The following STXBP5L variants were observed in gnomAD, a reference collection of about 807,000 sequenced individuals.
STXBP5L encodes syntaxin-binding protein 5-like.
STXBP5L carries 65 observed loss-of-function variants against 144.5 expected under a neutral mutation model. That is an observed-to-expected ratio of 0.45 (90% CI 0.37 to 0.55). The LOEUF (loss-of-function observed/expected upper bound fraction) is 0.55. Among genes scored for constraint, STXBP5L ranks in the 20% least tolerant of loss-of-function variants. The pLI is 0.00. For missense variants in STXBP5L, 1,298 were observed against 1,405.5 expected (o/e 0.92, Z 1.22); for synonymous variants, 505 against 469.6 (o/e 1.08, Z -0.97).
rs1000270687 is a variant in STXBP5L at position 121,280,137 on chromosome 3, G to C, written c.2110+181G>C. ...AAACATTGTGAGAATCTTTGAAAGG[G>C]TCAGGGGTGTGTATGTTTAAACTTC... is the stretch of plus-strand genomic sequence containing the variant. On this transcript the variant is annotated intron_variant, in intron 19 of 26. Transcript: ENST00000471454. Among the ~76,000 whole-genome samples the C allele has an allele frequency of 4.6e-5, 7 of 151,708 alleles. No individual in the cohort carries two copies. In the East Asian group the frequency reaches 9.6e-4, roughly 21 times the overall value.
At chr3:121,114,838 C>T in intron 5 of STXBP5L, 87 bp from the exon 6 acceptor site, 1 of 794,064 alleles carries the variant, frequency 1.3e-6, no homozygotes, top group Non-Finnish European at 1.9e-6. Context: ...ATTTATATAG[C>T]TATCACTACA....
At chr3:121,069,958 C>A (rs184976708) in intron 5 of STXBP5L, among the ~76,000 whole-genome samples, 10 of 152,280 alleles carry the variant, frequency 6.6e-5, no homozygotes, top group African/African-American at 2.2e-4. Context: ...CTCTTAGCAG[C>A]ACTTTTGCTG....
chr3:121,045,381 A>G, intron 4 of STXBP5L, 54 bp from the exon 5 acceptor site: 6 of 1,514,210 alleles, frequency 4.0e-6, no homozygotes, highest in Middle Eastern at 1.8e-4. Context: ...TTGTGATTAA[A>G]AAAACCCTAA....
rs561304123 is a variant in STXBP5L, at chr3:120,916,956, A to G, written c.189+7189A>G. Among the ~76,000 whole-genome samples, 3 of 152,332 alleles carry G rather than the reference A, an allele frequency of 2.0e-5. No homozygotes were observed. In the East Asian group the frequency reaches 5.8e-4, roughly 29 times the overall value. On this transcript the variant is annotated intron_variant, in intron 2 of 26. Coordinates refer to ENST00000471454, the MANE Select transcript of STXBP5L (RefSeq NM_001308330.2). ...TTGAAAATTATTAGTAGTATAATAA[A>G]TTTTGAAGTTAGATTGAGTCTGGGG...
At chr3:121,405,770 C>T (rs1159931018) in intron 22 of STXBP5L, among the ~76,000 whole-genome samples, 1 of 151,850 alleles carries the variant, frequency 6.6e-6, no homozygotes, top group Non-Finnish European at 1.5e-5. Flanking sequence ...AAACTTAAAC[C>T]CTGTATAAAC....
intron 20 of STXBP5L, among the ~76,000 whole-genome samples, chr3:121,353,266 C>A (rs2045371996): frequency 6.6e-6 from 1 of 152,126 alleles, no homozygotes; most frequent in South Asian, 2.1e-4. Context: ...GGTAACAGCT[C>A]CTGTTTGTAC....
intron 19 of STXBP5L, among the ~76,000 whole-genome samples, chr3:121,297,158 C>A (rs1485334092): frequency 1.3e-5 from 2 of 151,718 alleles, no homozygotes; most frequent in Non-Finnish European, 2.9e-5. Flanking sequence ...TACAGCCCAG[C>A]CCCAGCTTAA....
intron 3 of STXBP5L, among the ~76,000 whole-genome samples, chr3:121,037,686 A>T (rs942070084): frequency 2.0e-5 from 3 of 152,112 alleles, no homozygotes; most frequent in African/African-American, 7.2e-5. Flanking sequence ...AATGAGTCAG[A>T]AAATCTTTCT....
At chr3:121,369,503 T>C (rs1299239611) in intron 20 of STXBP5L, among the ~76,000 whole-genome samples, 1 of 152,130 alleles carries the variant, frequency 6.6e-6, no homozygotes, top group African/African-American at 2.4e-5. Context: ...TTCTTAAAGG[T>C]CTCTTTCTTT....
intron 9 of STXBP5L, among the ~76,000 whole-genome samples, chr3:121,159,356 A>G (rs2108011193): frequency 6.6e-6 from 1 of 152,138 alleles, no homozygotes; most frequent in South Asian, 2.1e-4. Flanking sequence ...TTAATAAAAG[A>G]TGGGTCTTAC....
chr3:120,958,504 C>A (rs1048330792), intron 3 of STXBP5L, among the ~76,000 whole-genome samples: 8 of 101,502 alleles, frequency 7.9e-5, no homozygotes, highest in African/African-American at 3.1e-4. Context: ...ATGCAAAAAT[C>A]CTCAATATAA....
Position 121,377,956 on chromosome 3 carries a change from T to C in STXBP5L, c.2177-760T>C, listed in dbSNP as rs139568436. On this transcript the variant is annotated intron_variant, in intron 20 of 26. Coordinates refer to ENST00000471454, the MANE Select transcript of STXBP5L (RefSeq NM_001308330.2). Reference sequence around the variant, plus strand: ...CAATGATAGACTGGATAAAGAAATGTGGCACATATACAGCATGGAATACTA... The same window carrying C: ...CAATGATAGACTGGATAAAGAAATGCGGCACATATACAGCATGGAATACTA... Among the ~76,000 whole-genome samples, 1,271 of 152,252 alleles carry C rather than the reference T, an allele frequency of 8.3e-3. 16 individuals carry two copies. Among genetic ancestry groups the C allele is most frequent in the African/African-American group, 0.029 (1,205 of 41,536 alleles).
chr3:121,407,613 T>G lies in STXBP5L; in HGVS notation c.2948+10T>G. The G allele has an allele frequency of 6.2e-7, 1 of 1,612,698 alleles. No individual in the cohort carries two copies. The highest frequency in any genetic ancestry group is 8.5e-7 in the Non-Finnish European group (1 of 1,179,364). On this transcript the variant is annotated intron_variant, in intron 23 of 26. Coordinates refer to ENST00000471454, the MANE Select transcript of STXBP5L (RefSeq NM_001308330.2). ...ATATCATGATAATGAGGTACTTGCC[T>G]TCTTATAAATTATCTGGTAATCACA... is the stretch of plus-strand genomic sequence containing the variant.
chr3:121,345,303 T>A (rs1489700487), intron 20 of STXBP5L, among the ~76,000 whole-genome samples: 3 of 152,122 alleles, frequency 2.0e-5, no homozygotes, highest in Non-Finnish European at 2.9e-5. Flanking sequence ...AATGATGGTT[T>A]CCAGCTTCAT....
Position 121,306,145 on chromosome 3 carries a change from G to A in STXBP5L, c.2111-12330G>A, listed in dbSNP as rs547529600. ...AAAGTCTCCAGAAATTGTCGTAAGG[G>A]CATATAGCAAATGAAGACATATTTA... On this transcript the variant is annotated intron_variant, in intron 19 of 26. Coordinates refer to ENST00000471454, the MANE Select transcript of STXBP5L (RefSeq NM_001308330.2). Among the ~76,000 whole-genome samples, 4 of 152,278 alleles carry A rather than the reference G, an allele frequency of 2.6e-5. No individual in the cohort carries two copies. The South Asian group carries it at 8.3e-4, about 32-fold the overall frequency.
At chr3:120,939,988 AT>A (rs1248643401) in intron 2 of STXBP5L, among the ~76,000 whole-genome samples, 1 of 152,100 alleles carries the variant, frequency 6.6e-6, no homozygotes, top group Non-Finnish European at 1.5e-5. Flanking sequence ...CTAACAAAAT[AT>A]TTTTACATGT....
At chr3:121,097,881 A>T (rs1046006094) in intron 5 of STXBP5L, among the ~76,000 whole-genome samples, 18 of 152,184 alleles carry the variant, frequency 1.2e-4, no homozygotes, top group Admixed American at 1.0e-3. Context: ...TATACTTAAG[A>T]TTACATTTAA....
intron 6 of STXBP5L, among the ~76,000 whole-genome samples, chr3:121,116,219 A>G (rs1449853584): frequency 6.6e-6 from 1 of 152,140 alleles, no homozygotes; most frequent in Non-Finnish European, 1.5e-5. Context: ...AAGTTGACTC[A>G]TTTTCTGCCT....
At chr3:121,108,007 C>G (rs2107803182) in intron 5 of STXBP5L, among the ~76,000 whole-genome samples, 1 of 152,200 alleles carries the variant, frequency 6.6e-6, no homozygotes, top group East Asian at 1.9e-4. Flanking sequence ...TGATTTGGCT[C>G]TCTGCTTGTC....
Sources: allele counts gnomAD v4.1 joint callset (sites outside exome capture counted in the v4.1 genomes callset), GRCh38; gene constraint gnomAD v4.1.1; transcripts MANE v1.5; gene names NCBI Gene and HGNC (gene_info 2026-07-23, HGNC 2026-07-21).